CFDP1: variants seen among roughly 807,000 people sequenced by gnomAD.
CFDP1 encodes heterochromatin-stabilizing protein CFDP1.
A neutral mutation model predicts 40.1 loss-of-function variants in CFDP1; 31 were observed. That is an observed-to-expected ratio of 0.77 (90% CI 0.58 to 1.04). CFDP1 has a LOEUF of 1.04. Ranked by LOEUF, CFDP1 falls within the 50% of genes least tolerant of loss-of-function variation. The pLI, the probability that CFDP1 is intolerant of heterozygous loss-of-function variation, is 0.00. For missense variants in CFDP1, 423 were observed against 343.4 expected, an observed-to-expected ratio of 1.23 and a Z score of -1.83; for synonymous variants, 167 against 120.0, an observed-to-expected ratio of 1.39 and a Z score of -2.56.
chr16:75,417,883 T>C (rs1177621430), intron 1 of CFDP1, among the ~76,000 whole-genome samples: 1 of 152,096 alleles, frequency 6.6e-6, no homozygotes, highest in Non-Finnish European at 1.5e-5. Flanking sequence ...ATTTCCTTTA[T>C]ATCATAGGTT....
chr16:75,419,122 TA>T (rs1424557225), intron 1 of CFDP1: 10 of 364,324 alleles, frequency 2.7e-5, no homozygotes, highest in East Asian at 8.0e-5. Flanking sequence ...TAAATAATAA[TA>T]AAAAAAGATC....
intron 6 of CFDP1, among the ~76,000 whole-genome samples, chr16:75,299,136 C>T (rs1307768410): frequency 1.3e-5 from 2 of 152,024 alleles, no homozygotes; most frequent in East Asian, 3.8e-4. Context: ...CTGTACTGGG[C>T]CCTGGGAGTC....
At chr16:75,326,125 G>C (rs2078399118) in intron 5 of CFDP1, among the ~76,000 whole-genome samples, 1 of 152,140 alleles carries the variant, frequency 6.6e-6, no homozygotes, top group African/African-American at 2.4e-5. Flanking sequence ...AGTGATATTG[G>C]AGTCATTTTA....
intron 5 of CFDP1, among the ~76,000 whole-genome samples, chr16:75,326,555 C>T (rs1019093693): frequency 3.3e-5 from 5 of 152,204 alleles, no homozygotes; most frequent in South Asian, 4.1e-4. Context: ...CTTCCTCTCT[C>T]GTTCAGTGGT....
Position 75,297,146 on chromosome 16 carries a change from T to TTTTGTGTGTGTGTGTGTGTGTGTG in CFDP1, c.810-3105_810-3104insCACACACACACACACACACACAAA, listed in dbSNP as rs1555551779. ...GCTTGGGGTTCTTGCTTCCCATTTC[T>TTTTGTGTGTGTGTGTGTGTGTGTG]TGTGTGTGTGTGTGTGTGTCTGTGT... On this transcript the variant is annotated intron_variant, in intron 6 of 6. Coordinates refer to ENST00000283882, the MANE Select transcript of CFDP1 (RefSeq NM_006324.3). Among the ~76,000 whole-genome samples the TTTTGTGTGTGTGTGTGTGTGTGTG allele has an allele frequency of 5.4e-4, 72 of 133,062 alleles. 1 individual carries two copies. The highest frequency in any genetic ancestry group is 1.9e-3 in the African/African-American group (70 of 37,296). 87.3% of individuals were successfully genotyped at this position (133,062 alleles called of 152,430 possible).
At chr16:75,405,873 T>C (rs1447053277) in intron 4 of CFDP1, among the ~76,000 whole-genome samples, 4 of 149,248 alleles carry the variant, frequency 2.7e-5, no homozygotes, top group Non-Finnish European at 5.9e-5. Context: ...GAGCCAAGAC[T>C]GCGCCACTGC....
chr16:75,381,134 A>G (rs2078848588), intron 5 of CFDP1: 1 of 152,156 alleles, frequency 6.6e-6, no homozygotes, highest in Non-Finnish European at 1.5e-5. Flanking sequence ...AGATTTTAGA[A>G]AATATTCTAA....
intron 5 of CFDP1, among the ~76,000 whole-genome samples, chr16:75,332,509 T>A (rs562467061): frequency 6.7e-6 from 1 of 150,056 alleles, no homozygotes; most frequent in African/African-American, 2.5e-5. Context: ...AAATAAAAAA[T>A]AAAATACAGT....
chr16:75,307,040 C>G (rs72804140), intron 5 of CFDP1, among the ~76,000 whole-genome samples: 10,092 of 152,062 alleles, frequency 0.066, 363 homozygotes, highest in Middle Eastern at 0.13. Flanking sequence ...TCTTATATCA[C>G]CTGGATAATT....
intron 5 of CFDP1, among the ~76,000 whole-genome samples, chr16:75,312,818 A>C (rs2078302550): frequency 6.6e-6 from 1 of 152,172 alleles, no homozygotes; most frequent in Admixed American, 6.5e-5. Flanking sequence ...ACCACCATCC[A>C]TTTGTAATTA....
Position 75,428,654 on chromosome 16 carries a change from G to C in CFDP1, c.64+4635C>G, listed in dbSNP as rs543696043. On this transcript the variant is annotated intron_variant, in intron 1 of 6. Transcript: ENST00000283882. ...ATAGAGAGAGAGAAAAAGAAGGGCGGAGAGGGAGAGAAAGAAAAAAAAGAA... is the reference window on the plus strand; with the variant it reads ...ATAGAGAGAGAGAAAAAGAAGGGCGCAGAGGGAGAGAAAGAAAAAAAAGAA... Among the ~76,000 whole-genome samples, 5 of 150,716 alleles carry C rather than the reference G, an allele frequency of 3.3e-5. No individual in the cohort carries two copies. In the East Asian group the frequency reaches 9.8e-4, roughly 29 times the overall value.
chr16:75,419,084 A>G (rs1284449283), intron 1 of CFDP1: 7 of 420,284 alleles, frequency 1.7e-5, no homozygotes, highest in Admixed American at 9.9e-5. Context: ...TGAAGGCTAC[A>G]GTAAGCAGGA....
intron 5 of CFDP1, among the ~76,000 whole-genome samples, chr16:75,358,579 A>T (rs1417309419): frequency 1.3e-5 from 2 of 152,140 alleles, no homozygotes; most frequent in African/African-American, 4.8e-5. Context: ...AGTCTCCAGG[A>T]AGAGCATTTG....
At chr16:75,354,484 G>C (rs1326928906) in intron 5 of CFDP1, among the ~76,000 whole-genome samples, 1 of 151,884 alleles carries the variant, frequency 6.6e-6, no homozygotes, top group East Asian at 1.9e-4. Flanking sequence ...CACAGCCTTG[G>C]TGTTAAAAAA....
At chr16:75,352,070 G>A (rs1296454580) in intron 5 of CFDP1, among the ~76,000 whole-genome samples, 1 of 148,346 alleles carries the variant, frequency 6.7e-6, no homozygotes, top group Non-Finnish European at 1.5e-5. Flanking sequence ...GCTGGGTGCT[G>A]TGGCTCACAC....
chr16:75,368,662 T>C (rs528505766), intron 5 of CFDP1, among the ~76,000 whole-genome samples: 1 of 152,304 alleles, frequency 6.6e-6, no homozygotes, highest in East Asian at 1.9e-4. Flanking sequence ...CACTTTACTT[T>C]TGTGTGTAGG....
chr16:75,380,971 A>G (rs1251182575), intron 5 of CFDP1, among the ~76,000 whole-genome samples: 4 of 152,226 alleles, frequency 2.6e-5, no homozygotes, highest in Non-Finnish European at 5.9e-5. Flanking sequence ...TTACTAATAG[A>G]CAACAAAGAT....
intron 5 of CFDP1, among the ~76,000 whole-genome samples, chr16:75,355,973 G>GT (rs1337897323): frequency 6.6e-6 from 1 of 152,196 alleles, no homozygotes; most frequent in Admixed American, 6.5e-5. Flanking sequence ...TATTTCCATT[G>GT]TATCTGCAGT....
intron 5 of CFDP1, among the ~76,000 whole-genome samples, chr16:75,389,741 C>G (rs1291408784): frequency 6.6e-6 from 1 of 152,144 alleles, no homozygotes; most frequent in Non-Finnish European, 1.5e-5. Context: ...TCCTATAGAT[C>G]CTTCCCTTGA....
Sources: gnomAD v4.1 joint callset for allele counts (sites outside exome capture counted in the v4.1 genomes callset) on GRCh38, gnomAD v4.1.1 for gene constraint, MANE v1.5 for transcripts, NCBI Gene and HGNC (gene_info 2026-07-23, HGNC 2026-07-21) for gene names.